The following FRMPD3 variants were observed in gnomAD, a reference collection of about 807,000 sequenced individuals.
FRMPD3 encodes FERM and PDZ domain containing 3.
Under a neutral mutation model 97.9 loss-of-function variants are expected in FRMPD3, and 42 were observed. The ratio of observed to expected loss-of-function variants is 0.43; its 90% CI spans 0.34 to 0.55. The LOEUF is 0.55. Among genes scored for constraint, FRMPD3 ranks in the 20% least tolerant of loss-of-function variants. The probability of loss-of-function intolerance (pLI) is 0.03; values close to 1 mark genes in which losing one functional copy is unlikely to be tolerated. For missense variants in FRMPD3, 1,303 were observed against 1,457.7 expected, an observed-to-expected ratio of 0.89 and a Z score of 1.73; for synonymous variants, 577 against 581.1, an observed-to-expected ratio of 0.99 and a Z score of 0.10.
intron 1 of FRMPD3, chrX:107,513,283 C>T (rs1198189752): frequency 9.0e-6 from 1 of 111,305 alleles, no homozygotes; most frequent in East Asian, 2.8e-4. Context: ...GTTTTCCAGA[C>T]GATGCCTCTC....
At position 107,599,767 on chromosome X, in the gene FRMPD3, T is replaced by A. The variant is rs760546609; in HGVS notation, c.2264-536T>A. 2.7e-5 allele frequency among the ~76,000 whole-genome samples: 3 copies of A among 111,142 alleles called. No homozygotes were observed. In the East Asian group the frequency reaches 8.5e-4, roughly 31 times the overall value. On this transcript the variant is annotated intron_variant, in intron 14 of 14. Transcript: ENST00000683843. ...TTCTGTTTTGGATTCCGGCCTTTCA[T>A]CCCCTTCTTATAGCTTGCCCCTCTT...
chrX:107,482,839 A>G (rs936197727), intron 1 of FRMPD3, among the ~76,000 whole-genome samples: 6 of 111,855 alleles, frequency 5.4e-5, no homozygotes, highest in Admixed American at 9.5e-5. Context: ...AAAGGCATGC[A>G]TGATTTTCAC....
chrX:107,531,322 C>G (rs1325395442), intron 3 of FRMPD3, among the ~76,000 whole-genome samples: 1 of 109,917 alleles, frequency 9.1e-6, no homozygotes, highest in Non-Finnish European at 1.9e-5. Flanking sequence ...CGCTCTTTCT[C>G]TCACTCTCCT....
chrX:107,477,963 G>A (rs1252260664), intron 1 of FRMPD3, among the ~76,000 whole-genome samples: 3 of 110,908 alleles, frequency 2.7e-5, no homozygotes, highest in East Asian at 2.8e-4. Context: ...AAAGCATGCC[G>A]GCCCTTCAAG....
chrX:107,469,532 G>A (rs933503694), intron 1 of FRMPD3, among the ~76,000 whole-genome samples: 3 of 112,014 alleles, frequency 2.7e-5, no homozygotes, highest in Non-Finnish European at 5.6e-5. Context: ...AAAATGAAAG[G>A]AAGAAAAGGA....
Position 107,601,570 on chromosome X carries a change from T to A in FRMPD3, c.3531T>A (p.Ala1177=). ...GCCAGAGCCCACTGAGGTCTCAGGC[T>A]GCCAGCCGGCAGGTGAGCACCATGC... ...PRGQSPLRSQ[A]ASRQVSTMPS... is the part of the protein sequence containing the mutation. Residue 1177 remains alanine (A), a synonymous_variant, in exon 15 of 15, where the codon GCT becomes GCA. Transcript: ENST00000683843. 1 of 1,201,019 alleles carries A rather than the reference T, an allele frequency of 8.3e-7. No individual in the cohort carries two copies. Among genetic ancestry groups the A allele is most frequent in the Middle Eastern group, 2.3e-4 (1 of 4,345 alleles).
chrX:107,513,862 CA>C (rs1487151210), intron 1 of FRMPD3, among the ~76,000 whole-genome samples: 2 of 111,981 alleles, frequency 1.8e-5, no homozygotes, highest in Non-Finnish European at 3.8e-5. Flanking sequence ...TACTGTTGTA[CA>C]AAAAAGACAG....
At chrX:107,590,731 G>A (rs1328612839) in intron 13 of FRMPD3, among the ~76,000 whole-genome samples, 2 of 112,707 alleles carry the variant, frequency 1.8e-5, no homozygotes, top group South Asian at 7.3e-4. Context: ...GATTCAGTTT[G>A]TTAGTATTTA....
chrX:107,460,917 C>T (rs141614806), intron 1 of FRMPD3, among the ~76,000 whole-genome samples: 28 of 111,130 alleles, frequency 2.5e-4, no homozygotes, highest in Non-Finnish European at 2.1e-4. Flanking sequence ...CACCTACAGT[C>T]GAGCTGTAAT....
At chrX:107,513,102 C>G (rs781317491) in intron 1 of FRMPD3, 5 of 112,080 alleles carry the variant, frequency 4.5e-5, no homozygotes, top group African/African-American at 6.5e-5. Context: ...TGGGGTTGGT[C>G]TTTTGCAAGG....
chrX:107,511,922 G>A (rs1260293648), intron 1 of FRMPD3, among the ~76,000 whole-genome samples: 1 of 111,677 alleles, frequency 9.0e-6, no homozygotes, highest in Non-Finnish European at 1.9e-5. Context: ...TCACTGAGGG[G>A]AAGAATTCAG....
chrX:107,532,784 G>A (rs1923024268), intron 3 of FRMPD3, among the ~76,000 whole-genome samples: 1 of 112,659 alleles, frequency 8.9e-6, no homozygotes, highest in South Asian at 3.6e-4. Context: ...CCAATAAGGA[G>A]AGGGGAAGCT....
chrX:107,548,853 T>TCAAAA, intron 5 of FRMPD3, among the ~76,000 whole-genome samples: 1 of 110,100 alleles, frequency 9.1e-6, no homozygotes, highest in South Asian at 3.9e-4. Flanking sequence ...CAAAAAGAAA[T>TCAAAA]CAAAACAAAA....
At chrX:107,514,318 C>T (rs766726296) in intron 1 of FRMPD3, among the ~76,000 whole-genome samples, 1 of 110,765 alleles carries the variant, frequency 9.0e-6, no homozygotes, top group Non-Finnish European at 1.9e-5. Context: ...GGGTTTTAAG[C>T]GGGGGAGTGA....
At chrX:107,513,882 C>G (rs983979734) in intron 1 of FRMPD3, among the ~76,000 whole-genome samples, 5 of 112,151 alleles carry the variant, frequency 4.5e-5, no homozygotes, top group Non-Finnish European at 9.4e-5. Context: ...AGAGTTCCTA[C>G]TTTTATGGGG....
At chrX:107,594,941 G>T (rs1466423588) in intron 13 of FRMPD3, among the ~76,000 whole-genome samples, 1 of 112,091 alleles carries the variant, frequency 8.9e-6, no homozygotes, top group African/African-American at 3.2e-5. Flanking sequence ...ATAAATTTTG[G>T]TATGTGGTAT....
chrX:107,541,532 T>C (rs760805857), intron 4 of FRMPD3, among the ~76,000 whole-genome samples: 3 of 112,654 alleles, frequency 2.7e-5, no homozygotes, highest in African/African-American at 9.6e-5. Flanking sequence ...TTATAATCCC[T>C]GAAAATATTG....
chrX:107,565,252 A>C (rs1922550837), intron 12 of FRMPD3, among the ~76,000 whole-genome samples, 186 bp downstream of exon 12: 1 of 112,234 alleles, frequency 8.9e-6, no homozygotes, highest in African/African-American at 3.2e-5. Context: ...CATTTTGACC[A>C]CATAATAAGG....
chrX:107,580,518 T>A (rs1285259191), intron 13 of FRMPD3, among the ~76,000 whole-genome samples: 2 of 111,491 alleles, frequency 1.8e-5, no homozygotes, highest in Non-Finnish European at 3.8e-5. Context: ...AACTCCAGCC[T>A]CTGCCTGAGA....
Sources: gnomAD v4.1 joint callset for allele counts (sites outside exome capture counted in the v4.1 genomes callset) on GRCh38, gnomAD v4.1.1 for gene constraint, MANE v1.5 for transcripts, NCBI Gene and HGNC (gene_info 2026-07-23, HGNC 2026-07-21) for gene names.